Variants in RALYL observed in about 807,000 individuals in gnomAD.
RALYL encodes the protein RALY RNA binding protein like.
Under a neutral mutation model 35.1 loss-of-function variants are expected in RALYL, and 29 were observed. The observed-to-expected ratio is 0.83, with a 90% CI of 0.61 to 1.13. The LOEUF (loss-of-function observed/expected upper bound fraction) is 1.13. Among genes scored for constraint, RALYL ranks in the 50% most tolerant of loss-of-function variants. The probability of loss-of-function intolerance (pLI) is 0.00; values close to 1 mark genes in which losing one functional copy is unlikely to be tolerated. For missense variants in RALYL, 359 were observed against 360.4 expected, an observed-to-expected ratio of 1.00 and a Z score of 0.03; for synonymous variants, 120 against 127.6, an observed-to-expected ratio of 0.94 and a Z score of 0.40.
At chr8:84,649,277 C>T (rs536922481) in intron 2 of RALYL, among the ~76,000 whole-genome samples, 2 of 151,924 alleles carry the variant, frequency 1.3e-5, no homozygotes, top group Non-Finnish European at 2.9e-5. Context: ...AGAAGCTCTT[C>T]AGTTTAATTA....
intron 8 of RALYL, among the ~76,000 whole-genome samples, chr8:84,912,703 C>T (rs957151088): frequency 5.3e-5 from 8 of 152,010 alleles, no homozygotes; most frequent in East Asian, 1.9e-4. Context: ...CAAGGACCCA[C>T]GTTTTTAGAG....
At chr8:84,312,695 C>T (rs1426224017) in intron 1 of RALYL, among the ~76,000 whole-genome samples, 1 of 152,228 alleles carries the variant, frequency 6.6e-6, no homozygotes, top group African/African-American at 2.4e-5. Flanking sequence ...GGTGGGCTCC[C>T]ATGGCCTTGG....
chr8:84,644,954 T>C (rs1827173431), intron 2 of RALYL, among the ~76,000 whole-genome samples: 1 of 151,924 alleles, frequency 6.6e-6, no homozygotes, highest in Admixed American at 6.6e-5. Flanking sequence ...TTCCCCATGA[T>C]GGCCAGACTG....
rs190110208 is a variant in RALYL, at chr8:84,205,608, G to A, written c.-24+21184G>A. Among the ~76,000 whole-genome samples the A allele has an allele frequency of 5.9e-3, 901 of 152,252 alleles. 9 individuals are homozygous for A. The highest frequency in any genetic ancestry group is 0.02 in the African/African-American group (818 of 41,530). On this transcript the variant is annotated intron_variant, in intron 1 of 8. Transcript: ENST00000521268. ...TGTTACTTGAAGGAATAAATATAGT[G>A]TATATTTGGGTCTGAATATTAGCAC...
intron 1 of RALYL, among the ~76,000 whole-genome samples, chr8:84,249,865 G>T (rs966313706): frequency 7.8e-6 from 1 of 128,362 alleles, no homozygotes; most frequent in African/African-American, 2.9e-5. Context: ...TGTTAATTTT[G>T]AGTTCAAAGG....
chr8:84,679,137 C>A, intron 2 of RALYL: 1 of 195,666 alleles, frequency 5.1e-6, no homozygotes, highest in Non-Finnish European at 1.1e-5. Flanking sequence ...AATACATTGT[C>A]AATGTGGAGC....
At chr8:84,224,650 C>T (rs1259861575) in intron 1 of RALYL, among the ~76,000 whole-genome samples, 1 of 145,794 alleles carries the variant, frequency 6.9e-6, no homozygotes, top group African/African-American at 2.5e-5. Flanking sequence ...GGATTATTAA[C>T]TTCATTATTA....
chr8:84,641,025 C>T (rs1826188465), intron 2 of RALYL, among the ~76,000 whole-genome samples: 1 of 151,626 alleles, frequency 6.6e-6, no homozygotes, highest in African/African-American at 2.4e-5. Context: ...GACTTTCTGA[C>T]TTGTATTACA....
chr8:84,610,000 C>T (rs544472290), intron 2 of RALYL, among the ~76,000 whole-genome samples: 25 of 152,110 alleles, frequency 1.6e-4, no homozygotes, highest in Non-Finnish European at 2.6e-4. Flanking sequence ...GAACAACATA[C>T]GAAAGACCCG....
chr8:84,579,697 T>C (rs1354253466), intron 2 of RALYL, among the ~76,000 whole-genome samples: 1 of 152,252 alleles, frequency 6.6e-6, no homozygotes, highest in African/African-American at 2.4e-5. Flanking sequence ...AATCATTGGA[T>C]AAACTAATAT....
chr8:84,244,668 A>T (rs1421772288), intron 1 of RALYL, among the ~76,000 whole-genome samples: 1 of 152,204 alleles, frequency 6.6e-6, no homozygotes, highest in African/African-American at 2.4e-5. Context: ...TTACCTCAAA[A>T]ACTGCTTCAA....
intron 1 of RALYL, among the ~76,000 whole-genome samples, chr8:84,317,833 A>T (rs776699318): frequency 1.3e-5 from 2 of 152,162 alleles, no homozygotes; most frequent in African/African-American, 2.4e-5. Context: ...GGAAAATCAC[A>T]GTCCTAGGTT....
intron 1 of RALYL, among the ~76,000 whole-genome samples, chr8:84,325,241 T>C (rs538043653): frequency 3.3e-5 from 5 of 152,306 alleles, no homozygotes; most frequent in Middle Eastern, 3.4e-3. Flanking sequence ...TATATCTCCT[T>C]TAAATCACCA....
chr8:84,545,568 T>C (rs2060299686), intron 2 of RALYL, among the ~76,000 whole-genome samples: 2 of 152,226 alleles, frequency 1.3e-5, no homozygotes, highest in South Asian at 4.1e-4. Context: ...TTTCCATTTG[T>C]CCAGATCTAC....
intron 2 of RALYL, among the ~76,000 whole-genome samples, chr8:84,650,094 G>T (rs1223548671): frequency 6.6e-6 from 1 of 152,052 alleles, no homozygotes; most frequent in Non-Finnish European, 1.5e-5. Context: ...TCTGTTATTG[G>T]TGTATAAGAG....
chr8:84,621,439 C>T (rs1162515126), intron 2 of RALYL, among the ~76,000 whole-genome samples: 2 of 152,172 alleles, frequency 1.3e-5, no homozygotes, highest in African/African-American at 4.8e-5. Context: ...GAGGCAATGC[C>T]TCACCCTGCT....
intron 1 of RALYL, among the ~76,000 whole-genome samples, chr8:84,274,829 T>C (rs570602403): frequency 1.3e-5 from 2 of 152,286 alleles, no homozygotes; most frequent in South Asian, 2.1e-4. Context: ...CTTCTTATGG[T>C]AGTTTTTTTG....
intron 1 of RALYL, among the ~76,000 whole-genome samples, chr8:84,444,098 G>A (rs532215637): frequency 6.6e-6 from 1 of 152,114 alleles, no homozygotes; most frequent in Non-Finnish European, 1.5e-5. Flanking sequence ...GGATGTCAAG[G>A]CAGGAGAATC....
intron 2 of RALYL, among the ~76,000 whole-genome samples, chr8:84,559,913 G>A (rs547929337): frequency 6.6e-6 from 1 of 151,622 alleles, no homozygotes; most frequent in East Asian, 1.9e-4. Flanking sequence ...CAAGAGTACT[G>A]TAGAGGCATA....
Sources: gnomAD v4.1 joint callset for allele counts (sites outside exome capture counted in the v4.1 genomes callset) on GRCh38, gnomAD v4.1.1 for gene constraint, MANE v1.5 for transcripts, NCBI Gene and HGNC (gene_info 2026-07-23, HGNC 2026-07-21) for gene names.